The following CDK6 variants were observed in gnomAD, a reference collection of about 807,000 sequenced individuals.
CDK6 encodes cyclin dependent kinase 6.
Under a neutral mutation model 37.1 loss-of-function variants are expected in CDK6, and 6 were observed. That is an observed-to-expected ratio of 0.16 (90% CI 0.09 to 0.32). The LOEUF (loss-of-function observed/expected upper bound fraction) is 0.32. CDK6 is among the 10% of genes least tolerant of loss of function. The pLI is 1.00. For synonymous variants in CDK6, 160 were observed against 161.3 expected (o/e 0.99, Z 0.06); for missense variants, 224 against 418.9 (o/e 0.53, Z 4.06).
In CDK6 at chr7:92,608,151, A is replaced by G. The variant is rs899736165; in HGVS notation, c.*6989T>C. On this transcript the variant is annotated 3_prime_UTR_variant, in exon 8 of 8. Coordinates refer to ENST00000424848, the MANE Select transcript of CDK6 (RefSeq NM_001145306.2). ...AGAAATTAAATAATTGTGTGGCTCT[A>G]TGTGTGCTGATTAGTGCTACAGTCA... is the stretch of plus-strand genomic sequence containing the variant. The G allele has an allele frequency of 8.6e-6, 2 of 232,552 alleles. No individual in the cohort carries two copies. The highest frequency in any genetic ancestry group is 2.2e-5 in the African/African-American group (1 of 45,290). 14.4% of individuals were successfully genotyped at this position (232,552 alleles called of 1,614,324 possible). A position where few individuals can be genotyped will look rare whatever the true frequency, so the allele number is the denominator to read the frequency against.
At chr7:92,744,932 C>T (rs1263536496) in intron 3 of CDK6, among the ~76,000 whole-genome samples, 1 of 152,002 alleles carries the variant, frequency 6.6e-6, no homozygotes, top group Admixed American at 6.6e-5. Flanking sequence ...TTACCTTTCT[C>T]GCTGGGCGAC....
chr7:92,725,842 G>A (rs377024141), intron 3 of CDK6, 49 bp from the exon 4 acceptor site: 53 of 1,554,768 alleles, frequency 3.4e-5, no homozygotes, highest in Non-Finnish European at 4.1e-5. Context: ...AACGGAAGTT[G>A]AGCATTTGCT....
intron 2 of CDK6, among the ~76,000 whole-genome samples, chr7:92,804,411 G>T (rs540565770): frequency 1.8e-4 from 28 of 152,274 alleles, no homozygotes; most frequent in Admixed American, 1.6e-3. Flanking sequence ...CACTCTTAAG[G>T]AAATCTCACA....
At chr7:92,808,345 G>A (rs1426013567) in intron 2 of CDK6, among the ~76,000 whole-genome samples, 1 of 152,184 alleles carries the variant, frequency 6.6e-6, no homozygotes, top group Admixed American at 6.5e-5. Context: ...AAGAAAAGAG[G>A]GAGGTTTCTT....
At chr7:92,672,131 G>GTACA (rs1797084524) in intron 4 of CDK6, among the ~76,000 whole-genome samples, 1 of 23,228 alleles carries the variant, frequency 4.3e-5, no homozygotes, top group African/African-American at 1.5e-4. Flanking sequence ...CCCAAAAGCT[G>GTACA]TACATATATA....
chr7:92,765,705 G>A (rs1046582821), intron 3 of CDK6, among the ~76,000 whole-genome samples: 17 of 152,168 alleles, frequency 1.1e-4, no homozygotes, highest in African/African-American at 4.1e-4. Flanking sequence ...CCTGGAGCTA[G>A]TGCAATGGAC....
At chr7:92,617,372 C>T (rs1795704484) in intron 7 of CDK6, among the ~76,000 whole-genome samples, 1 of 152,202 alleles carries the variant, frequency 6.6e-6, no homozygotes, top group South Asian at 2.1e-4. Flanking sequence ...TGGAGAAGAC[C>T]TGTGCTTCAC....
intron 4 of CDK6, among the ~76,000 whole-genome samples, chr7:92,722,151 A>G (rs1294417345): frequency 3.3e-5 from 5 of 152,098 alleles, no homozygotes; most frequent in Non-Finnish European, 5.9e-5. Context: ...TCAAATAGAA[A>G]TATCATTTAT....
In CDK6 at chr7:92,833,550, C is replaced by G; in HGVS notation, c.-227G>C. On this transcript the variant is annotated 5_prime_UTR_variant, in exon 2 of 8. Transcript: ENST00000424848. This position sits in a 1 kb window ranked among gnomAD's most constrained non-coding sequence, Gnocchi z 6.1. ...TAACCCTGGTGCCGCCGCCGCGAAA[C>G]TCCGCCTGCAGAGTCGCCGCCGCCG... 1.8e-6 allele frequency: 1 copy of G among 546,196 alleles called. No homozygotes were observed. The highest frequency in any genetic ancestry group is 3.8e-5 in the Admixed American group (1 of 26,390). 33.8% of individuals were successfully genotyped at this position (546,196 alleles called of 1,614,324 possible).
intron 4 of CDK6, among the ~76,000 whole-genome samples, chr7:92,704,043 C>G (rs1026746611): frequency 6.6e-6 from 1 of 152,144 alleles, no homozygotes; most frequent in Non-Finnish European, 1.5e-5. Context: ...TCACTGCTCC[C>G]TGTGACTAGA....
chr7:92,783,014 A>G (rs1228223030), intron 2 of CDK6, among the ~76,000 whole-genome samples: 3 of 152,118 alleles, frequency 2.0e-5, no homozygotes, highest in Non-Finnish European at 2.9e-5. Context: ...TCGCATGTCC[A>G]CTGGGCAAAA....
intron 2 of CDK6, among the ~76,000 whole-genome samples, chr7:92,826,244 TAG>T (rs1198483469): frequency 2.0e-5 from 3 of 151,752 alleles, no homozygotes; most frequent in Admixed American, 2.0e-4. Flanking sequence ...TGTGAAAGAG[TAG>T]AGAGTCAGAA....
At chr7:92,662,575 A>G (rs1041523704) in intron 5 of CDK6, among the ~76,000 whole-genome samples, 6 of 152,196 alleles carry the variant, frequency 3.9e-5, no homozygotes, top group Non-Finnish European at 8.8e-5. Flanking sequence ...GGGAGAAGAA[A>G]ACATTAATTC....
chr7:92,655,042 C>T (rs1464524204), intron 5 of CDK6, among the ~76,000 whole-genome samples: 13 of 149,492 alleles, frequency 8.7e-5, no homozygotes, highest in Non-Finnish European at 1.5e-4. Flanking sequence ...GACAGAGTCT[C>T]CCTATGTTGC....
rs1795583834 is a variant in CDK6, at chr7:92,612,498, G to C, written c.*2642C>G. 4.3e-6 allele frequency: 1 copy of C among 233,042 alleles called. No homozygotes were observed. The highest frequency in any genetic ancestry group is 8.5e-6 in the Non-Finnish European group (1 of 117,974). 14.4% of individuals were successfully genotyped at this position (233,042 alleles called of 1,614,324 possible). On this transcript the variant is annotated 3_prime_UTR_variant, in exon 8 of 8. Coordinates refer to ENST00000424848, the MANE Select transcript of CDK6 (RefSeq NM_001145306.2). ...TGGACATAAAATACATAAATCAAGA[G>C]AGTATTCACTCAAATGCAACAACTA...
intron 2 of CDK6, among the ~76,000 whole-genome samples, chr7:92,812,252 G>A (rs1054431735): frequency 8.5e-5 from 13 of 152,204 alleles, no homozygotes; most frequent in Admixed American, 8.5e-4. Context: ...GAGGTAGGAA[G>A]CATAATGGGG....
intron 3 of CDK6, among the ~76,000 whole-genome samples, chr7:92,746,014 T>C (rs1291131109): frequency 1.3e-5 from 2 of 152,170 alleles, no homozygotes; most frequent in African/African-American, 4.8e-5. Context: ...TTCAGATAAA[T>C]GGAACCAACC....
intron 3 of CDK6, among the ~76,000 whole-genome samples, chr7:92,760,374 G>A (rs1799424820): frequency 6.6e-6 from 1 of 152,090 alleles, no homozygotes; most frequent in African/African-American, 2.4e-5. Flanking sequence ...TGTTTTTAAT[G>A]TATACACACT....
intron 3 of CDK6, among the ~76,000 whole-genome samples, chr7:92,772,552 A>T (rs1377813120): frequency 6.6e-6 from 1 of 152,000 alleles, no homozygotes; most frequent in East Asian, 1.9e-4. Context: ...AAAAAAATTA[A>T]CTTTTAATGT....
Sources: allele counts gnomAD v4.1 joint callset (sites outside exome capture counted in the v4.1 genomes callset), GRCh38; gene constraint gnomAD v4.1.1; non-coding constraint Gnocchi (gnomAD v3.1); transcripts MANE v1.5; gene names NCBI Gene and HGNC (gene_info 2026-07-23, HGNC 2026-07-21).